Variants in CNTNAP5 observed in about 807,000 individuals in gnomAD.
The protein encoded by CNTNAP5 is contactin associated protein family member 5.
A neutral mutation model predicts 150.2 loss-of-function variants in CNTNAP5; 72 were observed. The ratio of observed to expected loss-of-function variants is 0.48; its 90% confidence interval spans 0.40 to 0.58. CNTNAP5 has a LOEUF of 0.58. CNTNAP5 is among the 20% of genes least tolerant of loss of function. The pLI is 0.00. For missense variants in CNTNAP5, 1,636 were observed against 1,626.2 expected (o/e 1.01, Z -0.10); for synonymous variants, 672 against 619.8 (o/e 1.08, Z -1.25).
At chr2:124,698,869 A>G (rs1160006548) in intron 13 of CNTNAP5, among the ~76,000 whole-genome samples, 2 of 152,066 alleles carry the variant, frequency 1.3e-5, no homozygotes, top group African/African-American at 4.8e-5. Flanking sequence ...CTCTTTCCAC[A>G]GAGGGACACT....
At chr2:124,488,525 C>T (rs2104847079) in intron 7 of CNTNAP5, among the ~76,000 whole-genome samples, 1 of 152,258 alleles carries the variant, frequency 6.6e-6, no homozygotes, top group African/African-American at 2.4e-5. Context: ...GTGCTTAACA[C>T]ACGTTTTATA....
At chr2:124,164,633 C>T (rs1684767870) in intron 1 of CNTNAP5, among the ~76,000 whole-genome samples, 1 of 152,034 alleles carries the variant, frequency 6.6e-6, no homozygotes, top group African/African-American at 2.4e-5. Flanking sequence ...GGACAATCTG[C>T]TAGAACACTA....
At chr2:124,533,826 G>A (rs1160368935) in intron 10 of CNTNAP5, among the ~76,000 whole-genome samples, 1 of 152,174 alleles carries the variant, frequency 6.6e-6, no homozygotes, top group African/African-American at 2.4e-5. Flanking sequence ...TCGGCTGGAG[G>A]AAAGTGTGGT....
chr2:124,879,972 A>G (rs1390905605), intron 21 of CNTNAP5, among the ~76,000 whole-genome samples: 1 of 152,142 alleles, frequency 6.6e-6, no homozygotes, highest in Admixed American at 6.5e-5. Context: ...CAGAAGCTGA[A>G]AGAAACAAGT....
chr2:124,803,677 T>G (rs1457902970), intron 19 of CNTNAP5, among the ~76,000 whole-genome samples: 1 of 152,228 alleles, frequency 6.6e-6, no homozygotes, highest in African/African-American at 2.4e-5. Context: ...TCTGCATTTG[T>G]GATTGCACAC....
At chr2:124,425,503 TTCTGAAACC>T (rs1294695640) in intron 4 of CNTNAP5, among the ~76,000 whole-genome samples, 1 of 152,186 alleles carries the variant, frequency 6.6e-6, no homozygotes, top group Admixed American at 6.5e-5. Flanking sequence ...TGGCTAAGAT[TTCTGAAACC>T]TCATCCCCAT....
At chr2:124,850,149 A>G (rs1683125604) in intron 19 of CNTNAP5, among the ~76,000 whole-genome samples, 1 of 152,244 alleles carries the variant, frequency 6.6e-6, no homozygotes, top group Admixed American at 6.5e-5. Flanking sequence ...ATGGGCAACC[A>G]ATGATATTTT....
rs1318580010 is a variant in CNTNAP5, at chr2:124,419,953, T to C, written c.529+2363T>C. The stretch of plus-strand genomic sequence containing the variant: ...CTTTCTTTCTTTCTTTCTTTCTTTC[T>C]TTCCTTTTCTCTCTCTCTCTTTCTT... On this transcript the variant is annotated intron_variant, in intron 4 of 23. Coordinates refer to ENST00000682447, the MANE Select transcript of CNTNAP5 (RefSeq NM_001367498.1). 6.4e-4 allele frequency among the ~76,000 whole-genome samples: 73 copies of C among 113,242 alleles called. 1 individual carries two copies. The highest frequency in any genetic ancestry group is 6.6e-4 in the South Asian group (2 of 3,008). 74.3% of individuals were successfully genotyped at this position (113,242 alleles called of 152,430 possible).
chr2:124,503,158 A>G (rs1694315239), intron 7 of CNTNAP5, among the ~76,000 whole-genome samples: 1 of 152,200 alleles, frequency 6.6e-6, no homozygotes, highest in East Asian at 1.9e-4. Flanking sequence ...ACTACAACAA[A>G]TGATTCATGC....
In CNTNAP5 at chr2:124,558,231, A is replaced by G. The variant is rs907413495; in HGVS notation, c.1650-4986A>G. ...AGAGGAACATCAGGGGAGGGGTGATAAGTGGTGAGATTCAGGACAGCTTCT... is the reference window on the plus strand; with the variant it reads ...AGAGGAACATCAGGGGAGGGGTGATGAGTGGTGAGATTCAGGACAGCTTCT... On this transcript the variant is annotated intron_variant, in intron 10 of 23. Transcript: ENST00000682447. Among the ~76,000 whole-genome samples, 78 of 152,146 alleles carry G rather than the reference A, an allele frequency of 5.1e-4. 1 individual carries two copies. The highest frequency in any genetic ancestry group is 4.8e-3 in the Admixed American group (74 of 15,270).
chr2:124,560,721 G>T (rs1227498854), intron 10 of CNTNAP5, among the ~76,000 whole-genome samples: 2 of 152,076 alleles, frequency 1.3e-5, no homozygotes, highest in African/African-American at 4.8e-5. Context: ...AAAATAGCCA[G>T]CTCTTAGGAA....
At chr2:124,584,442 T>G (rs1169704498) in intron 11 of CNTNAP5, among the ~76,000 whole-genome samples, 1 of 152,186 alleles carries the variant, frequency 6.6e-6, no homozygotes, top group Admixed American at 6.5e-5. Flanking sequence ...CATATTGCAT[T>G]AACATAAAAT....
chr2:124,617,015 G>T (rs13035022), intron 12 of CNTNAP5, among the ~76,000 whole-genome samples: 60,544 of 151,902 alleles, frequency 0.4, 13,960 homozygotes, highest in Non-Finnish European at 0.52. Context: ...ATATTGCAGT[G>T]GTGGATTCGT....
intron 10 of CNTNAP5, among the ~76,000 whole-genome samples, chr2:124,562,769 G>A (rs1695923870): frequency 6.6e-6 from 1 of 152,150 alleles, no homozygotes; most frequent in Admixed American, 6.5e-5. Context: ...GTTTAAAATA[G>A]ATACCTGGTC....
chr2:124,881,005 G>C (rs1677952717), intron 21 of CNTNAP5, among the ~76,000 whole-genome samples: 1 of 152,094 alleles, frequency 6.6e-6, no homozygotes, highest in South Asian at 2.1e-4. Flanking sequence ...GATAGAAACA[G>C]TAAATAGGCC....
intron 3 of CNTNAP5, among the ~76,000 whole-genome samples, chr2:124,416,152 A>AC: frequency 6.6e-6 from 1 of 152,268 alleles, no homozygotes; most frequent in South Asian, 2.1e-4. Flanking sequence ...CCAAGTAGAT[A>AC]AAAGAACTTC....
chr2:124,901,938 T>C (rs948589276), intron 21 of CNTNAP5, among the ~76,000 whole-genome samples: 1 of 152,134 alleles, frequency 6.6e-6, no homozygotes, highest in African/African-American at 2.4e-5. Context: ...TCTTTGACCA[T>C]TTATGAATCA....
intron 1 of CNTNAP5, among the ~76,000 whole-genome samples, chr2:124,029,352 C>T (rs550074993): frequency 6.6e-6 from 1 of 152,168 alleles, no homozygotes; most frequent in African/African-American, 2.4e-5. Context: ...CATTTACAGT[C>T]ACCACAAGTA....
intron 1 of CNTNAP5, among the ~76,000 whole-genome samples, chr2:124,107,089 G>A (rs1355858192): frequency 6.6e-6 from 1 of 151,962 alleles, no homozygotes; most frequent in Non-Finnish European, 1.5e-5. Context: ...AACCACGTAG[G>A]CAGGACTGTG....
Sources: allele counts gnomAD v4.1 joint callset (sites outside exome capture counted in the v4.1 genomes callset), GRCh38; gene constraint gnomAD v4.1.1; transcripts MANE v1.5; gene names NCBI Gene and HGNC (gene_info 2026-07-23, HGNC 2026-07-21).